The following B4GALT6 variants were observed in gnomAD, a reference collection of about 807,000 sequenced individuals.
The protein encoded by B4GALT6 is beta-1,4-galactosyltransferase 6, also known as UDP-Gal:beta-GlcNAc beta-1,4-galactosyltransferase 6.
In B4GALT6, 14 loss-of-function variants were observed where a neutral mutation model predicts 46.3. That is an observed-to-expected ratio of 0.30 (90% confidence interval 0.20 to 0.47). B4GALT6 has a LOEUF of 0.47. B4GALT6 is among the 20% of genes least tolerant of loss of function. The pLI, the probability that B4GALT6 is intolerant of heterozygous loss-of-function variation, is 0.99. For missense variants in B4GALT6, 386 were observed against 480.1 expected (o/e 0.80, Z 1.83); for synonymous variants, 168 against 162.0 (o/e 1.04, Z -0.28).
chr18:31,658,045 T>C lies in B4GALT6; in HGVS notation c.277A>G (p.Thr93Ala). Residue 93 changes from threonine (T) to alanine (A), a missense_variant, in exon 3 of 9, where the codon ACA (threonine) becomes GCA (alanine). By Grantham distance (58) the Thr-to-Ala change is moderately conservative. Coordinates refer to ENST00000306851, the MANE Select transcript of B4GALT6 (RefSeq NM_004775.5). ...NNSSDYLVQTTTYLPENFTYS... is the reference protein window; with the variant it reads ...NNSSDYLVQTATYLPENFTYS... ...GTGAAGTTTTCCGGGAGATACGTTGTTGTTTGAACAAGATAATCACTTGAA... is the reference window on the plus strand; with the variant it reads ...GTGAAGTTTTCCGGGAGATACGTTGCTGTTTGAACAAGATAATCACTTGAA... The C allele has an allele frequency of 6.2e-7, 1 of 1,613,682 alleles. No individual in the cohort carries two copies. The highest frequency in any genetic ancestry group is 8.5e-7 in the Non-Finnish European group (1 of 1,179,864).
the B4GALT6 span, among the ~76,000 whole-genome samples, chr18:31,711,169 C>T: frequency 6.6e-6 from 1 of 152,206 alleles, no homozygotes; most frequent in Non-Finnish European, 1.5e-5. Context: ...ATGTCACGAG[C>T]AGTGGTTCTC....
Position 31,684,456 on chromosome 18 carries a change from G to A in B4GALT6, c.-30C>T, listed in dbSNP as rs780130828. The A allele has an allele frequency of 9.9e-6, 16 of 1,608,064 alleles. No homozygotes were observed. The highest frequency in any genetic ancestry group is 6.7e-5 in the East Asian group (3 of 44,602). The stretch of plus-strand genomic sequence containing the variant: ...CTCTTCCCTGCCAGCAGCCCAGGCT[G>A]CGCTCTCAGGCCGGACTCGGGGCCA... On this transcript the variant is annotated 5_prime_UTR_variant, in exon 1 of 9. Transcript: ENST00000306851.
In B4GALT6 at chr18:31,681,215, T is replaced by C. The variant is rs1443586769; in HGVS notation, c.115+3097A>G. ...ACAGCAAGAAAATGACTACGTTATA[T>C]TGGAAGTTATATTAATAAAGGTTTC... On this transcript the variant is annotated intron_variant, in intron 1 of 8. Transcript: ENST00000306851. 3.3e-5 allele frequency among the ~76,000 whole-genome samples: 5 copies of C among 152,260 alleles called. No individual in the cohort carries two copies. In the South Asian group the frequency reaches 8.3e-4, roughly 25 times the overall value.
At chr18:31,654,004 T>G (rs1420711941) in intron 3 of B4GALT6, among the ~76,000 whole-genome samples, 1 of 152,236 alleles carries the variant, frequency 6.6e-6, no homozygotes, top group African/African-American at 2.4e-5. Context: ...TTTGCTTATC[T>G]TTTCCTTCTT....
chr18:31,704,405 G>A, the B4GALT6 span, among the ~76,000 whole-genome samples: 1 of 151,806 alleles, frequency 6.6e-6, no homozygotes, highest in Admixed American at 6.6e-5. Context: ...TAGAGATGGG[G>A]TCTTACCAGG....
chr18:31,640,872 G>A lies in B4GALT6; in HGVS notation c.472-2112C>T, dbSNP rs571047777. Among the ~76,000 whole-genome samples, 17 of 152,344 alleles carry A rather than the reference G, an allele frequency of 1.1e-4. 1 individual carries two copies. The East Asian group carries it at 2.3e-3, about 21-fold the overall frequency. On this transcript the variant is annotated intron_variant, in intron 4 of 8. Coordinates refer to ENST00000306851, the MANE Select transcript of B4GALT6 (RefSeq NM_004775.5). ...TCAAAACAACTGTGAAGCTAGCTCA[G>A]GGGTTTACTTTTAGGATGGAAAAGT...
chr18:31,626,552 G>A (rs1362318747), intron 7 of B4GALT6, among the ~76,000 whole-genome samples, 168 bp from the exon 8 acceptor site: 1 of 152,202 alleles, frequency 6.6e-6, no homozygotes, highest in Non-Finnish European at 1.5e-5. Context: ...CCGCACAGCA[G>A]GAGGTGAGCG....
intron 2 of B4GALT6, among the ~76,000 whole-genome samples, chr18:31,663,507 T>C (rs1274163552): frequency 6.6e-6 from 1 of 152,206 alleles, no homozygotes; most frequent in East Asian, 1.9e-4. Flanking sequence ...ACAAAAATAG[T>C]ATACATCTAT....
chr18:31,723,394 A>G, the B4GALT6 span, among the ~76,000 whole-genome samples: 1 of 152,176 alleles, frequency 6.6e-6, no homozygotes. Context: ...CGCATTTCAG[A>G]AAATTATTTA....
chr18:31,641,107 A>G (rs1057009904), intron 4 of B4GALT6, among the ~76,000 whole-genome samples: 1 of 152,218 alleles, frequency 6.6e-6, no homozygotes, highest in Non-Finnish European at 1.5e-5. Context: ...TATTTGAGGG[A>G]AGAAATTATT....
intron 3 of B4GALT6, among the ~76,000 whole-genome samples, chr18:31,647,614 G>C (rs75881176): frequency 6.6e-6 from 1 of 152,134 alleles, no homozygotes; most frequent in African/African-American, 2.4e-5. Context: ...GAGCAACATC[G>C]CTATACTGGG....
At chr18:31,657,938 C>G (rs2074161928) in intron 3 of B4GALT6, 38 bp downstream of exon 3, 1 of 1,519,248 alleles carries the variant, frequency 6.6e-7, no homozygotes, top group African/African-American at 1.4e-5. Flanking sequence ...TATTGTAACA[C>G]AAGTAAACAG....
chr18:31,628,378 G>C (rs1461468733), intron 6 of B4GALT6, among the ~76,000 whole-genome samples: 2 of 152,176 alleles, frequency 1.3e-5, no homozygotes, highest in African/African-American at 4.8e-5. Flanking sequence ...GGAAAAACCT[G>C]AGATCGTCAG....
chr18:31,694,091 C>T, the B4GALT6 span, among the ~76,000 whole-genome samples: 1 of 152,214 alleles, frequency 6.6e-6, no homozygotes, highest in Non-Finnish European at 1.5e-5. Flanking sequence ...AATCACTTAT[C>T]TTAAAATAGG....
At chr18:31,671,842 T>A (rs1023684645) in intron 1 of B4GALT6, among the ~76,000 whole-genome samples, 1 of 152,228 alleles carries the variant, frequency 6.6e-6, no homozygotes, top group East Asian at 1.9e-4. Context: ...TGACTCTGCA[T>A]TGTGAGACAT....
At position 31,623,447 on chromosome 18, in the gene B4GALT6, C is replaced by G. The variant is rs1036186521; in HGVS notation, c.*2167G>C. On this transcript the variant is annotated 3_prime_UTR_variant, in exon 9 of 9. Coordinates refer to ENST00000306851, the MANE Select transcript of B4GALT6 (RefSeq NM_004775.5). Reference sequence around the variant, plus strand: ...TAACATCAGACTTAAGAAAATAAGGCAGATACTAGTAGTACTAAGTTTTCT... The same window carrying G: ...TAACATCAGACTTAAGAAAATAAGGGAGATACTAGTAGTACTAAGTTTTCT... The G allele has an allele frequency of 1.3e-5, 2 of 152,238 alleles. No individual in the cohort carries two copies. Among genetic ancestry groups the G allele is most frequent in the Non-Finnish European group, 2.9e-5 (2 of 67,838 alleles). 9.4% of individuals were successfully genotyped at this position (152,238 alleles called of 1,614,324 possible).
At chr18:31,684,631 A>G (rs1598940843), upstream of B4GALT6, 2 of 908,530 alleles carry the variant, frequency 2.2e-6, no homozygotes, top group South Asian at 3.9e-5. Flanking sequence ...GAGTCGGGGG[A>G]GGGGAGGCGC....
the B4GALT6 span, among the ~76,000 whole-genome samples, chr18:31,717,909 G>A: frequency 0.017 from 2,502 of 149,138 alleles, 51 homozygotes; most frequent in African/African-American, 0.045. Context: ...AGCCGAGATC[G>A]TGCCATTGCA....
At chr18:31,715,756 C>T in the B4GALT6 span, among the ~76,000 whole-genome samples, 1 of 151,754 alleles carries the variant, frequency 6.6e-6, no homozygotes, top group East Asian at 1.9e-4. Context: ...ACCATGTTAG[C>T]CAGGCTGGTC....
Sources: allele counts gnomAD v4.1 joint callset (sites outside exome capture counted in the v4.1 genomes callset), GRCh38; gene constraint gnomAD v4.1.1; transcripts MANE v1.5; gene names NCBI Gene and HGNC (gene_info 2026-07-23, HGNC 2026-07-21).